The following SPRYD7 variants were observed in gnomAD, a reference collection of about 807,000 sequenced individuals.
SPRYD7 encodes the protein SPRY domain containing 7.
SPRYD7 carries 14 observed loss-of-function variants against 23.8 expected under a neutral mutation model. The ratio of observed to expected loss-of-function variants is 0.59; its 90% CI spans 0.39 to 0.92. SPRYD7 has a LOEUF of 0.92. SPRYD7 is among the 40% of genes least tolerant of loss of function. The pLI is 0.00. For synonymous variants in SPRYD7, 75 were observed against 84.9 expected, an observed-to-expected ratio of 0.88 and a Z score of 0.64; for missense variants, 194 against 241.7, an observed-to-expected ratio of 0.80 and a Z score of 1.31.
At position 49,930,993 on chromosome 13, in the gene SPRYD7, A is replaced by G. The variant is rs762170270; in HGVS notation, c.223+25T>C. On this transcript the variant is annotated intron_variant, in intron 2 of 4. Coordinates refer to ENST00000361840, the MANE Select transcript of SPRYD7 (RefSeq NM_020456.4). The stretch of plus-strand genomic sequence containing the variant: ...AATATTTAGAACAATTAGGACTTTT[A>G]ATAGTAAAGTACCATTATACCAACC... 2.2e-6 allele frequency: 3 copies of G among 1,379,198 alleles called. No homozygotes were observed. In the Admixed American group the frequency reaches 5.9e-5, roughly 27 times the overall value. The allele number at this position is 1,379,198 out of a possible 1,614,324, so 85.4% of individuals were successfully genotyped here.
chr13:49,924,986 A>ATAAT (rs1955863642), intron 3 of SPRYD7, among the ~76,000 whole-genome samples: 3 of 134,148 alleles, frequency 2.2e-5, no homozygotes, highest in South Asian at 2.5e-4. Flanking sequence ...CAAAAAAAAA[A>ATAAT]AATAAATAAA....
At chr13:49,923,737 G>A (rs1308024994) in intron 3 of SPRYD7, among the ~76,000 whole-genome samples, 2 of 151,842 alleles carry the variant, frequency 1.3e-5, no homozygotes, top group South Asian at 2.1e-4. Context: ...AGTGTGATAC[G>A]CCCGCCTCAG....
chr13:49,921,464 A>C lies in SPRYD7; in HGVS notation c.493+14T>G. 6.6e-7 allele frequency: 1 copy of C among 1,519,122 alleles called. No individual in the cohort carries two copies. Among genetic ancestry groups the C allele is most frequent in the African/African-American group, 1.4e-5 (1 of 73,080 alleles). The allele number at this position is 1,519,122 out of a possible 1,614,324, so 94.1% of individuals were successfully genotyped here. A position where few individuals can be genotyped will look rare whatever the true frequency, so the allele number is the denominator to read the frequency against. The stretch of plus-strand genomic sequence containing the variant: ...ATATGTATGTAATAATACATTAGAA[A>C]TATTTTTGCTTACCATAAACAACTG... On this transcript the variant is annotated intron_variant, in intron 4 of 4. Transcript: ENST00000361840.
In SPRYD7 at chr13:49,928,096, A is replaced by G; in HGVS notation, c.224-11T>C. The G allele has an allele frequency of 6.2e-7, 1 of 1,612,238 alleles. No homozygotes were observed. Among genetic ancestry groups the G allele is most frequent in the Non-Finnish European group, 8.5e-7 (1 of 1,179,122 alleles). ...CAATACCCCAGATTCCTAAAAATAT[A>G]ACAGTTTAAATGCCCTCAAAATCTG... is the stretch of plus-strand genomic sequence containing the variant. On this transcript the variant is annotated splice_polypyrimidine_tract_variant and intron_variant, in intron 2 of 4. Coordinates refer to ENST00000361840, the MANE Select transcript of SPRYD7 (RefSeq NM_020456.4).
chr13:49,920,955 C>T (rs1420349947), intron 4 of SPRYD7, among the ~76,000 whole-genome samples: 3 of 151,802 alleles, frequency 2.0e-5, no homozygotes, highest in Admixed American at 2.0e-4. Context: ...AGTGACACTC[C>T]GTTTCAAACA....
chr13:49,915,087 T>C lies in SPRYD7; in HGVS notation c.567A>G (p.Ile189Met). 6.4e-7 allele frequency: 1 copy of C among 1,559,850 alleles called. No homozygotes were observed. The highest frequency in any genetic ancestry group is 8.7e-7 in the Non-Finnish European group (1 of 1,150,508). The change falls in exon 5 of 5, where the codon ATA (isoleucine) becomes ATG (methionine). Residue 189 changes from isoleucine to methionine, a missense_variant. Coordinates refer to ENST00000361840, the MANE Select transcript of SPRYD7 (RefSeq NM_020456.4). ...YHTPPPGFEKILFEQQIF is the reference protein window; with the variant it reads ...YHTPPPGFEKMLFEQQIF ...TTCAGAAGATTTGCTGTTCAAATAA[T>C]ATTTTTTCAAAACCAGGTGGAGGCG...
chr13:49,934,997 A>T (rs2138246004), intron 1 of SPRYD7, among the ~76,000 whole-genome samples: 1 of 152,378 alleles, frequency 6.6e-6, no homozygotes, highest in Non-Finnish European at 1.5e-5. Flanking sequence ...ATAATGATGG[A>T]TAAAAAATAA....
chr13:49,928,048 G>A lies in SPRYD7; in HGVS notation c.261C>T (p.Asn87=), dbSNP rs767139597. ...CTCGGCCAAGAGGAATCTGATTCAA[G>A]TTAACCTTCTGAGTTGCAACACCAA... is the stretch of plus-strand genomic sequence containing the variant. ...WGIGVATQKV[N]LNQIPLGRDM... The change falls in exon 3 of 5, where the codon AAC becomes AAT. Residue 87 remains asparagine (N), a synonymous_variant. Coordinates refer to ENST00000361840, the MANE Select transcript of SPRYD7 (RefSeq NM_020456.4). 13 of 1,613,944 alleles carry A rather than the reference G, an allele frequency of 8.1e-6. No homozygotes were observed. Among genetic ancestry groups the A allele is most frequent in the Non-Finnish European group, 1.1e-5 (13 of 1,180,000 alleles).
chr13:49,924,021 C>T (rs374233345), intron 3 of SPRYD7, among the ~76,000 whole-genome samples: 97 of 146,994 alleles, frequency 6.6e-4, no homozygotes, highest in African/African-American at 2.2e-3. Context: ...TCGTTCTTGT[C>T]GCCTAGGCTG....
chr13:49,921,331 C>T, intron 4 of SPRYD7, 147 bp downstream of exon 4: 2 of 543,766 alleles, frequency 3.7e-6, no homozygotes, highest in South Asian at 4.6e-5. Flanking sequence ...CTCCCCAGCT[C>T]TGTGGAACTG....
At chr13:49,932,395 T>G (rs558045541) in intron 1 of SPRYD7, among the ~76,000 whole-genome samples, 141 of 152,302 alleles carry the variant, frequency 9.3e-4, no homozygotes, top group Non-Finnish European at 1.5e-3. Flanking sequence ...CGTAGAAAAT[T>G]TTTTAGATGA....
chr13:49,936,328 C>G lies in SPRYD7; in HGVS notation c.-93G>C. On this transcript the variant is annotated 5_prime_UTR_variant, in exon 1 of 5. Coordinates refer to ENST00000361840, the MANE Select transcript of SPRYD7 (RefSeq NM_020456.4). The stretch of plus-strand genomic sequence containing the variant: ...CCGTCTCCTGCCCCCGCCCGAGGTC[C>G]GGACTTGTCTATGTGGAGCTCGGAG... 1.1e-6 allele frequency: 1 copy of G among 881,766 alleles called. No homozygotes were observed. The highest frequency in any genetic ancestry group is 1.7e-6 in the Non-Finnish European group (1 of 592,074). The allele number at this position is 881,766 out of a possible 1,614,324, so 54.6% of individuals were successfully genotyped here.
At chr13:49,922,180 A>C (rs1235520570) in intron 3 of SPRYD7, among the ~76,000 whole-genome samples, 2 of 151,944 alleles carry the variant, frequency 1.3e-5, no homozygotes. Flanking sequence ...AAACAAAAAT[A>C]GTAGCTCAAA....
chr13:49,921,723 ACTGAGCT>A, intron 3 of SPRYD7, 143 bp from the exon 4 acceptor site: 1 of 588,622 alleles, frequency 1.7e-6, no homozygotes, highest in Non-Finnish European at 3.1e-6. Context: ...TCCTACTTGA[ACTGAGCT>A]AAAAAAATGA....
At chr13:49,931,450 G>A (rs951084012) in intron 1 of SPRYD7, among the ~76,000 whole-genome samples, 3 of 152,146 alleles carry the variant, frequency 2.0e-5, no homozygotes, top group Non-Finnish European at 4.4e-5. Context: ...AAAGTTCTGG[G>A]ATTACAGGCG....
chr13:49,920,915 C>T (rs1188098829), intron 4 of SPRYD7, among the ~76,000 whole-genome samples: 2 of 152,014 alleles, frequency 1.3e-5, no homozygotes, highest in East Asian at 1.9e-4. Context: ...GAGCTGAGAT[C>T]GTGTCACTGC....
chr13:49,914,573 T>C lies in SPRYD7; in HGVS notation c.*490A>G, dbSNP rs1269465750. On this transcript the variant is annotated 3_prime_UTR_variant, in exon 5 of 5. Coordinates refer to ENST00000361840, the MANE Select transcript of SPRYD7 (RefSeq NM_020456.4). ...AGAAAAGCGGTACATGATACAGAAA[T>C]AGACTGCCAAAAATGAAATTGCCAG... is the stretch of plus-strand genomic sequence containing the variant. 2 of 152,424 alleles carry C rather than the reference T, an allele frequency of 1.3e-5. No homozygotes were observed. The highest frequency in any genetic ancestry group is 2.9e-5 in the Non-Finnish European group (2 of 68,008). 9.4% of individuals were successfully genotyped at this position (152,424 alleles called of 1,614,324 possible).
At chr13:49,921,362 C>A (rs1377870313) in intron 4 of SPRYD7, 116 bp downstream of exon 4, 13 of 668,792 alleles carry the variant, frequency 1.9e-5, no homozygotes, top group Non-Finnish European at 2.9e-5. Flanking sequence ...AAACCTCTTT[C>A]CTTTATAAAT....
At chr13:49,920,539 G>A (rs978824888) in intron 4 of SPRYD7, among the ~76,000 whole-genome samples, 1 of 152,158 alleles carries the variant, frequency 6.6e-6, no homozygotes, top group Non-Finnish European at 1.5e-5. Flanking sequence ...GAAAAAGGGA[G>A]TACGGTTATT....
Sources: gnomAD v4.1 joint callset for allele counts (sites outside exome capture counted in the v4.1 genomes callset) on GRCh38, gnomAD v4.1.1 for gene constraint, MANE v1.5 for transcripts, NCBI Gene and HGNC (gene_info 2026-07-23, HGNC 2026-07-21) for gene names.